Variants in RIGI observed in about 807,000 individuals in gnomAD.
The protein encoded by RIGI is RNA sensor RIG-I.
At chr9:32,521,950 A>G in the RIGI span, among the ~76,000 whole-genome samples, 126 of 152,292 alleles carry the variant, frequency 8.3e-4, no homozygotes, top group African/African-American at 2.9e-3. Flanking sequence ...GTGACTTATA[A>G]TCAGATATAG....
chr9:32,489,011 G>C, the RIGI span: 11 of 823,056 alleles, frequency 1.3e-5, no homozygotes, highest in Non-Finnish European at 1.8e-5. Flanking sequence ...ATTTAAATAT[G>C]TTAATGATTA....
chr9:32,472,885 T>A, the RIGI span: 1 of 611,438 alleles, frequency 1.6e-6, no homozygotes, highest in Non-Finnish European at 2.4e-6. Flanking sequence ...GAAATATATA[T>A]TATATATATA....
At chr9:32,491,573 G>C in the RIGI span, among the ~76,000 whole-genome samples, 2 of 152,084 alleles carry the variant, frequency 1.3e-5, no homozygotes, top group Non-Finnish European at 2.9e-5. Flanking sequence ...ACAGTTGAAA[G>C]AATCATTTTG....
At chr9:32,456,917 T>G in the RIGI span, 22 of 536,832 alleles carry the variant, frequency 4.1e-5, no homozygotes, top group East Asian at 6.1e-5. Flanking sequence ...CCAAGTACTA[T>G]GAGCTCTGTT....
the RIGI span, chr9:32,494,021 G>A: frequency 2.7e-6 from 3 of 1,100,424 alleles, no homozygotes; most frequent in East Asian, 5.3e-5. Flanking sequence ...TAGAAATCAT[G>A]TTTGAATGTA....
chr9:32,457,356 G>A, the RIGI span: 2 of 1,613,960 alleles, frequency 1.2e-6, no homozygotes, highest in East Asian at 2.2e-5. Context: ...GCTTTGGCTT[G>A]GGATGTGGTC....
chr9:32,459,474 C>CT, the RIGI span: 18 of 1,612,876 alleles, frequency 1.1e-5, no homozygotes, highest in South Asian at 1.4e-4. Context: ...TTTTTCTTGA[C>CT]TATCTCTGAT....
At chr9:32,504,224 G>C in the RIGI span, among the ~76,000 whole-genome samples, 1 of 152,140 alleles carries the variant, frequency 6.6e-6, no homozygotes, top group Admixed American at 6.6e-5. Flanking sequence ...ATTGCAGAGA[G>C]GGTTAGAGTA....
the RIGI span, among the ~76,000 whole-genome samples, chr9:32,512,559 G>T: frequency 6.6e-6 from 1 of 152,120 alleles, no homozygotes; most frequent in Non-Finnish European, 1.5e-5. Context: ...GGTATTGATG[G>T]AATGTATCTC....
At chr9:32,503,346 T>C in the RIGI span, among the ~76,000 whole-genome samples, 2 of 152,164 alleles carry the variant, frequency 1.3e-5, no homozygotes, top group Non-Finnish European at 2.9e-5. Flanking sequence ...TATCTGCTGC[T>C]ACAGAGTAGT....
the RIGI span, among the ~76,000 whole-genome samples, chr9:32,483,158 T>A: frequency 6.6e-6 from 1 of 152,100 alleles, no homozygotes; most frequent in African/African-American, 2.4e-5. Flanking sequence ...CTGGTATCAG[T>A]TCGCCAGGGC....
chr9:32,521,154 A>AAAAAAAAAAAAAAAAAAAAAAAG, the RIGI span, among the ~76,000 whole-genome samples: 1 of 150,514 alleles, frequency 6.6e-6, no homozygotes, highest in Non-Finnish European at 1.5e-5. Flanking sequence ...AAAAAAAAAA[A>AAAAAAAAAAAAAAAAAAAAAAAG]AAAAAAAACT....
the RIGI span, among the ~76,000 whole-genome samples, chr9:32,522,403 A>G: frequency 2.0e-5 from 3 of 152,208 alleles, no homozygotes; most frequent in African/African-American, 4.8e-5. Context: ...TCTTGCATAC[A>G]TTTAATAAAA....
the RIGI span, among the ~76,000 whole-genome samples, chr9:32,487,316 G>C: frequency 4.6e-5 from 7 of 152,256 alleles, no homozygotes; most frequent in South Asian, 1.2e-3. Context: ...CTCAGTTAGA[G>C]AGGCTAAAAA....
chr9:32,501,026 C>T, the RIGI span: 1 of 1,461,180 alleles, frequency 6.8e-7, no homozygotes, highest in Admixed American at 1.9e-5. Context: ...CAGACCTTCC[C>T]AAATAGGGAC....
At chr9:32,509,627 A>C in the RIGI span, among the ~76,000 whole-genome samples, 3 of 152,176 alleles carry the variant, frequency 2.0e-5, no homozygotes, top group South Asian at 6.2e-4. Context: ...TAAATCCATG[A>C]AGATGAGGAA....
At chr9:32,471,798 C>T in the RIGI span, among the ~76,000 whole-genome samples, 2 of 152,240 alleles carry the variant, frequency 1.3e-5, no homozygotes, top group African/African-American at 4.8e-5. Flanking sequence ...GGAGTCAGAT[C>T]GCAGAGAACT....
At chr9:32,521,139 C>CAAAAAAAAAAAAAAAA in the RIGI span, among the ~76,000 whole-genome samples, 201 of 32,766 alleles carry the variant, frequency 6.1e-3, 43 homozygotes, top group Non-Finnish European at 8.2e-3. Flanking sequence ...GACACCATCT[C>CAAAAAAAAAAAAAAAA]AAAAAAAAAA....
the RIGI span, among the ~76,000 whole-genome samples, chr9:32,512,371 T>C: frequency 2.0e-5 from 3 of 152,208 alleles, no homozygotes; most frequent in African/African-American, 4.8e-5. Flanking sequence ...TTATTCACCA[T>C]AATCAGGTCT....
Sources: gnomAD v4.1 joint callset for allele counts (sites outside exome capture counted in the v4.1 genomes callset) on GRCh38, gnomAD v4.1.1 for gene constraint, MANE v1.5 for transcripts, NCBI Gene and HGNC (gene_info 2026-07-23, HGNC 2026-07-21) for gene names.